The following TMA16 variants were observed in gnomAD, a reference collection of about 807,000 sequenced individuals.
TMA16 encodes translation machinery associated 16 homolog.
TMA16 carries 26 observed loss-of-function variants against 27.1 expected under a neutral mutation model. The observed-to-expected ratio is 0.96, with a 90% CI of 0.70 to 1.33. The LOEUF is 1.33. Ranked by LOEUF, TMA16 falls within the 40% of genes most tolerant of loss-of-function variation. The pLI, the probability that TMA16 is intolerant of heterozygous loss-of-function variation, is 0.00. For synonymous variants in TMA16, 71 were observed against 81.9 expected (o/e 0.87, Z 0.72); for missense variants, 233 against 241.4 (o/e 0.97, Z 0.23).
chr4:163,512,106 A>C (rs1299599472), intron 2 of TMA16, among the ~76,000 whole-genome samples: 1 of 151,770 alleles, frequency 6.6e-6, no homozygotes, highest in Non-Finnish European at 1.5e-5. Context: ...ATCCTAAAAC[A>C]TATGGTAGGT....
rs147373973 is a variant in TMA16, at chr4:163,517,949, G to C, written c.431+473G>C. Among the ~76,000 whole-genome samples the C allele has an allele frequency of 2.3e-3, 351 of 150,866 alleles. 1 individual carries two copies. Among genetic ancestry groups the C allele is most frequent in the Non-Finnish European group, 4.1e-3 (278 of 67,722 alleles). On this transcript the variant is annotated intron_variant, in intron 6 of 6. Coordinates refer to ENST00000358572, the MANE Select transcript of TMA16 (RefSeq NM_018352.3). ...CTCTTTTGTAAACTGGGAAACTACC[G>C]AGTAGGATTTCGATTTTTTAGGTTT...
chr4:163,513,868 C>G (rs1325563537), intron 3 of TMA16, among the ~76,000 whole-genome samples: 2 of 152,194 alleles, frequency 1.3e-5, no homozygotes, highest in African/African-American at 4.8e-5. Flanking sequence ...CCTCCCACTC[C>G]TCTTTCTTCT....
At chr4:163,495,096 G>A (rs1345642301) in intron 1 of TMA16, among the ~76,000 whole-genome samples, 1 of 152,068 alleles carries the variant, frequency 6.6e-6, no homozygotes, top group Non-Finnish European at 1.5e-5. Flanking sequence ...GGGGAAACCC[G>A]GCACCTTTCC....
chr4:163,518,154 AC>A (rs1737912554), intron 6 of TMA16, among the ~76,000 whole-genome samples: 2 of 152,108 alleles, frequency 1.3e-5, no homozygotes, highest in African/African-American at 2.4e-5. Context: ...AACTTGTATT[AC>A]CCAGTGTCTA....
rs1424915006 is a variant in TMA16 at position 163,507,025 on chromosome 4, C to T, written c.4-8C>T. 18 of 1,572,846 alleles carry T rather than the reference C, an allele frequency of 1.1e-5. No individual in the cohort carries two copies. The highest frequency in any genetic ancestry group is 1.4e-5 in the Non-Finnish European group (16 of 1,159,186). ...ACTATATGTGTCATGTGTTTTCATA[C>T]ATTTTAGCCCAAAGCACCAAAGGGA... On this transcript the variant is annotated splice_region_variant and splice_polypyrimidine_tract_variant and intron_variant, in intron 1 of 6. Transcript: ENST00000358572.
At chr4:163,500,358 G>A (rs1332936671) in intron 1 of TMA16, among the ~76,000 whole-genome samples, 3 of 151,844 alleles carry the variant, frequency 2.0e-5, no homozygotes, top group Non-Finnish European at 2.9e-5. Context: ...TTATAAGCGT[G>A]CACCACCACG....
intron 2 of TMA16, 158 bp from the exon 3 acceptor site, chr4:163,512,664 T>C (rs1054593596): frequency 2.6e-5 from 14 of 530,200 alleles, no homozygotes; most frequent in African/African-American, 7.6e-5. Context: ...AGAAGCATAG[T>C]ATTTAATGTT....
chr4:163,502,877 C>T (rs1490822571), intron 1 of TMA16, among the ~76,000 whole-genome samples: 5 of 152,134 alleles, frequency 3.3e-5, no homozygotes, highest in Non-Finnish European at 5.9e-5. Context: ...ATTGGTACAT[C>T]ATTTACTGTA....
intron 2 of TMA16, among the ~76,000 whole-genome samples, chr4:163,510,069 T>C (rs1737771333): frequency 6.6e-6 from 1 of 152,242 alleles, no homozygotes. Flanking sequence ...TCATTCCAGC[T>C]GATACCACTG....
intron 1 of TMA16, among the ~76,000 whole-genome samples, chr4:163,504,175 A>G (rs1329041909): frequency 1.3e-5 from 2 of 152,166 alleles, no homozygotes; most frequent in East Asian, 1.9e-4. Flanking sequence ...CAGAGACTTT[A>G]TATTTTCTTC....
At chr4:163,495,730 AT>A (rs1336961857) in intron 1 of TMA16, among the ~76,000 whole-genome samples, 1 of 151,170 alleles carries the variant, frequency 6.6e-6, no homozygotes, top group East Asian at 1.9e-4. Context: ...GTTTCTTTTC[AT>A]TTTTTTCTCT....
chr4:163,500,481 GGTTACAGGCTTGA>G (rs1360056174), intron 1 of TMA16, among the ~76,000 whole-genome samples: 10 of 152,048 alleles, frequency 6.6e-5, no homozygotes, highest in Non-Finnish European at 1.2e-4. Context: ...AAAGTGCTGG[GGTTACAGGCTTGA>G]GCCACTGTGT....
At chr4:163,518,059 G>T (rs1211584966) in intron 6 of TMA16, among the ~76,000 whole-genome samples, 2 of 151,962 alleles carry the variant, frequency 1.3e-5, no homozygotes, top group African/African-American at 2.4e-5. Context: ...TAATGTTGAG[G>T]ATTGGAGTAA....
chr4:163,495,193 T>C (rs893194125), intron 1 of TMA16, among the ~76,000 whole-genome samples: 1 of 152,208 alleles, frequency 6.6e-6, no homozygotes. Context: ...AGACTCAGTA[T>C]GTGGGCTTAG....
intron 2 of TMA16, among the ~76,000 whole-genome samples, chr4:163,507,715 G>A (rs188175812): frequency 6.6e-6 from 1 of 152,146 alleles, no homozygotes; most frequent in East Asian, 1.9e-4. Context: ...GAGTTCAGTG[G>A]CCCTCTACCA....
intron 5 of TMA16, chr4:163,515,692 G>A (rs1737865831): frequency 2.2e-6 from 1 of 448,488 alleles, no homozygotes; most frequent in South Asian, 2.6e-5. Flanking sequence ...TTTTTACCGT[G>A]ATAGTAATAC....
chr4:163,517,335 T>A, intron 5 of TMA16, 99 bp from the exon 6 acceptor site: 1 of 1,224,394 alleles, frequency 8.2e-7, no homozygotes. Flanking sequence ...AATTTTGTTT[T>A]CTGTTGGATA....
At chr4:163,511,066 G>A (rs72989840) in intron 2 of TMA16, among the ~76,000 whole-genome samples, 1 of 152,148 alleles carries the variant, frequency 6.6e-6, no homozygotes, top group African/African-American at 2.4e-5. Flanking sequence ...GTTTGCTTAA[G>A]TATATGAGAA....
chr4:163,514,411 G>A (rs953749701), intron 4 of TMA16, among the ~76,000 whole-genome samples: 8 of 152,132 alleles, frequency 5.3e-5, no homozygotes, highest in African/African-American at 1.7e-4. Context: ...CTGAAAGGTG[G>A]GGGTTAGCAG....
Sources: gnomAD v4.1 joint callset for allele counts (sites outside exome capture counted in the v4.1 genomes callset) on GRCh38, gnomAD v4.1.1 for gene constraint, MANE v1.5 for transcripts, NCBI Gene and HGNC (gene_info 2026-07-23, HGNC 2026-07-21) for gene names.